The following PPIL2 variants were observed in gnomAD, a reference collection of about 807,000 sequenced individuals.
The protein encoded by PPIL2 is RING-type E3 ubiquitin-protein ligase PPIL2.
Under a neutral mutation model 75.2 loss-of-function variants are expected in PPIL2, and 50 were observed. The observed-to-expected ratio is 0.66, with a 90% CI of 0.53 to 0.84. PPIL2 has a LOEUF of 0.84. Among genes scored for constraint, PPIL2 ranks in the 40% least tolerant of loss-of-function variants. The pLI, the probability that PPIL2 is intolerant of heterozygous loss-of-function variation, is 0.00. For synonymous variants in PPIL2, 245 were observed against 258.8 expected (o/e 0.95, Z 0.51); for missense variants, 590 against 685.0 (o/e 0.86, Z 1.55).
chr22:21,666,022 G>T lies in PPIL2; in HGVS notation c.-78G>T. On this transcript the variant is annotated 5_prime_UTR_variant, in exon 1 of 20. Coordinates refer to ENST00000398831, the MANE Select transcript of PPIL2 (RefSeq NM_014337.4). Reference sequence around the variant, plus strand: ...GCCGCGGAACCCGGAAGTGGTCACGGAACTCGGCTGCGGCTCCATGGTCTG... The same window carrying T: ...GCCGCGGAACCCGGAAGTGGTCACGTAACTCGGCTGCGGCTCCATGGTCTG... 1 of 1,540,126 alleles carries T rather than the reference G, an allele frequency of 6.5e-7. No individual in the cohort carries two copies. The highest frequency in any genetic ancestry group is 8.8e-7 in the Non-Finnish European group (1 of 1,130,750).
chr22:21,684,915 T>C lies in PPIL2; in HGVS notation c.714+2T>C. On this transcript the variant is annotated splice_donor_variant, in intron 10 of 19. Coordinates refer to ENST00000398831, the MANE Select transcript of PPIL2 (RefSeq NM_014337.4). LOFTEE classifies it high-confidence loss of function. ...AAGAAAGTGGACAAGCTGAACGCTG[T>C]GAGTGGCGGAGGGCACTCGGCCAAG... 6.2e-7 allele frequency: 1 copy of C among 1,613,714 alleles called. No homozygotes were observed. The highest frequency in any genetic ancestry group is 8.5e-7 in the Non-Finnish European group (1 of 1,179,680).
At chr22:21,687,761 G>A in intron 13 of PPIL2, 29 bp downstream of exon 13, 2 of 1,594,248 alleles carry the variant, frequency 1.3e-6, no homozygotes, top group Non-Finnish European at 1.7e-6. Flanking sequence ...TGGCTGCACA[G>A]ATGAGCTTGG....
Position 21,666,045 on chromosome 22 carries a change from C to T in PPIL2, c.-55C>T. 1 of 1,599,670 alleles carries T rather than the reference C, an allele frequency of 6.3e-7. No homozygotes were observed. The highest frequency in any genetic ancestry group is 1.1e-5 in the South Asian group (1 of 89,748). On this transcript the variant is annotated 5_prime_UTR_variant, in exon 1 of 20. Transcript: ENST00000398831. ...CGGAACTCGGCTGCGGCTCCATGGT[C>T]TGAGTTGTCAGCCGTTGTTTTTTCG... is the stretch of plus-strand genomic sequence containing the variant.
At position 21,686,535 on chromosome 22, in the gene PPIL2, TC is replaced by T; in HGVS notation, c.770del (p.Pro257ArgfsTer20). On this transcript the variant is annotated frameshift_variant, in exon 11 of 20. Transcript: ENST00000398831. LOFTEE classifies it high-confidence loss of function. ...VSASFTSTAMVPETTHEAAAI... is the reference protein window; with the variant it reads ...VSASFTSTAMXPETTHEAAAI... ...GCTTCCTTCACCTCCACCGCGATGG[TC>T]CCGGAGACCACACATGAAGCAGGTA... The T allele has an allele frequency of 6.2e-7, 1 of 1,614,164 alleles. No individual in the cohort carries two copies. The highest frequency in any genetic ancestry group is 8.5e-7 in the Non-Finnish European group (1 of 1,180,006).
chr22:21,670,732 C>T, intron 3 of PPIL2, 121 bp downstream of exon 3: 1 of 1,143,158 alleles, frequency 8.7e-7, no homozygotes, highest in South Asian at 1.3e-5. Flanking sequence ...TGTGGCCCTT[C>T]AGTTCATGTT....
downstream of PPIL2, chr22:21,698,261 CA>C (rs35100577): frequency 0.17 from 20,383 of 123,124 alleles, 1,462 homozygotes; most frequent in Non-Finnish European, 0.18. Flanking sequence ...GTATAAATTA[CA>C]AAAAAAAAAA....
At chr22:21,676,243 AGTGTGTGTGTGTGTGTGT>A (rs36131221) in intron 6 of PPIL2, among the ~76,000 whole-genome samples, 7 of 130,510 alleles carry the variant, frequency 5.4e-5, no homozygotes, top group Admixed American at 1.5e-4. Context: ...TGTGATCAGC[AGTGTGTGTGTGTGTGTGT>A]GTGTGTGTGT....
Position 21,695,748 on chromosome 22 carries a change from C to T in PPIL2, c.*258C>T. The T allele has an allele frequency of 7.6e-7, 1 of 1,308,798 alleles. No individual in the cohort carries two copies. Among genetic ancestry groups the T allele is most frequent in the South Asian group, 1.5e-5 (1 of 64,662 alleles). 81.1% of individuals were successfully genotyped at this position (1,308,798 alleles called of 1,614,324 possible). A position where few individuals can be genotyped will look rare whatever the true frequency, so the allele number is the denominator to read the frequency against. On this transcript the variant is annotated 3_prime_UTR_variant, in exon 20 of 20. Transcript: ENST00000398831. Reference sequence around the variant, plus strand: ...GGGACCTTCAAGCACAAGGCCTGCCCTACACCCAGGCTGGTGCCTCAGGCC... The same window carrying T: ...GGGACCTTCAAGCACAAGGCCTGCCTTACACCCAGGCTGGTGCCTCAGGCC...
At chr22:21,667,960 A>G (rs1365359535) in intron 1 of PPIL2, among the ~76,000 whole-genome samples, 1 of 151,864 alleles carries the variant, frequency 6.6e-6, no homozygotes, top group East Asian at 2.0e-4. Context: ...TATTTTTAGT[A>G]GAGACAGGTT....
intron 14 of PPIL2, 145 bp from the exon 15 acceptor site, chr22:21,688,587 C>A: frequency 1.3e-6 from 1 of 744,714 alleles, no homozygotes; most frequent in Non-Finnish European, 2.3e-6. Context: ...GAGTTGGTGG[C>A]GTGGGGCTGG....
intron 8 of PPIL2, 147 bp downstream of exon 8, chr22:21,682,673 G>A (rs889152850): frequency 2.1e-5 from 12 of 573,734 alleles, no homozygotes; most frequent in Non-Finnish European, 3.2e-5. Context: ...TGCAGGCCTG[G>A]CTCTGCTTCA....
intron 1 of PPIL2, among the ~76,000 whole-genome samples, chr22:21,668,237 C>A (rs2148494137): frequency 6.6e-6 from 1 of 152,244 alleles, no homozygotes; most frequent in South Asian, 2.1e-4. Flanking sequence ...AACTGAGTTC[C>A]TGGCCATGAT....
At chr22:21,687,241 C>G (rs2067406503) in intron 12 of PPIL2, among the ~76,000 whole-genome samples, 2 of 151,722 alleles carry the variant, frequency 1.3e-5, no homozygotes, top group South Asian at 4.2e-4. Context: ...TCTGCCCACA[C>G]TTCTCCCATG....
intron 8 of PPIL2, 72 bp from the exon 9 acceptor site, chr22:21,683,110 C>T: frequency 2.3e-6 from 3 of 1,313,770 alleles, no homozygotes; most frequent in Non-Finnish European, 3.3e-6. Flanking sequence ...AGCTGGCCGT[C>T]CTTTGCTGCA....
At position 21,687,637 on chromosome 22, in the gene PPIL2, T is replaced by A; in HGVS notation, c.898-6T>A. ...GCTTCATACAAGTATTGGGGCTATG[T>A]TGCAGACACCAAAAACCTGCGAAAA... On this transcript the variant is annotated splice_polypyrimidine_tract_variant and splice_region_variant and intron_variant, in intron 12 of 19. Coordinates refer to ENST00000398831, the MANE Select transcript of PPIL2 (RefSeq NM_014337.4). 1.9e-6 allele frequency: 3 copies of A among 1,608,246 alleles called. No homozygotes were observed. Among genetic ancestry groups the A allele is most frequent in the Non-Finnish European group, 2.6e-6 (3 of 1,175,930 alleles).
At chr22:21,674,723 T>C (rs1278800672) in intron 5 of PPIL2, among the ~76,000 whole-genome samples, 1 of 152,124 alleles carries the variant, frequency 6.6e-6, no homozygotes, top group Non-Finnish European at 1.5e-5. Context: ...GCTGAAGAAA[T>C]ATGTTCACTT....
rs753999618 is a variant in PPIL2, at chr22:21,684,848, G to C, written c.649G>C (p.Gly217Arg). 17 of 1,614,038 alleles carry C rather than the reference G, an allele frequency of 1.1e-5. No homozygotes were observed. The highest frequency in any genetic ancestry group is 1.4e-5 in the Non-Finnish European group (17 of 1,180,006). Residue 217 changes from glycine (G) to arginine (R), a missense_variant, in exon 10 of 20, where the codon GGG (glycine) becomes CGG (arginine). By Grantham distance (125) the Gly-to-Arg change is moderately radical. Coordinates refer to ENST00000398831, the MANE Select transcript of PPIL2 (RefSeq NM_014337.4). ...GCAGGAGCTCTACAAGGAGTTCAAAGGGGACGAGATTCTGGCAGCCACCAT... is the reference window on the plus strand; with the variant it reads ...GCAGGAGCTCTACAAGGAGTTCAAACGGGACGAGATTCTGGCAGCCACCAT... ...TLQELYKEFK[G>R]DEILAATMKA... is the part of the protein sequence containing the mutation.
Position 21,695,701 on chromosome 22 carries a change from G to A in PPIL2, c.*211G>A. On this transcript the variant is annotated 3_prime_UTR_variant, in exon 20 of 20. Coordinates refer to ENST00000398831, the MANE Select transcript of PPIL2 (RefSeq NM_014337.4). ...GGCCTTGGCCCTGTTTCCAGGACCT[G>A]GCCCAGCCAGAGCCCACTGCTGGGA... 7.3e-7 allele frequency: 1 copy of A among 1,376,648 alleles called. No homozygotes were observed. The allele number at this position is 1,376,648 out of a possible 1,614,324, so 85.3% of individuals were successfully genotyped here.
At chr22:21,672,578 T>C (rs1290960740) in intron 5 of PPIL2, among the ~76,000 whole-genome samples, 197 bp downstream of exon 5, 1 of 152,198 alleles carries the variant, frequency 6.6e-6, no homozygotes, top group Non-Finnish European at 1.5e-5. Flanking sequence ...CACGTGTATA[T>C]ATGTGCATGT....
Sources: allele counts gnomAD v4.1 joint callset (sites outside exome capture counted in the v4.1 genomes callset), GRCh38; gene constraint gnomAD v4.1.1; transcripts MANE v1.5; gene names NCBI Gene and HGNC (gene_info 2026-07-23, HGNC 2026-07-21).